The following EYS variants were observed in gnomAD, a reference collection of about 807,000 sequenced individuals.
EYS encodes the protein protein eyes shut homolog.
EYS carries 250 observed loss-of-function variants against 282.1 expected under a neutral mutation model. The ratio of observed to expected loss-of-function variants is 0.89; its 90% CI spans 0.80 to 0.98. The LOEUF is 0.98. Ranked by LOEUF, EYS falls within the 50% of genes least tolerant of loss-of-function variation. The pLI is 0.00. For synonymous variants in EYS, 1,355 were observed against 1,282.9 expected (o/e 1.06, Z -1.20); for missense variants, 4,016 against 3,709.0 (o/e 1.08, Z -2.15).
At chr6:64,321,498 G>T (rs929155544) in intron 29 of EYS, among the ~76,000 whole-genome samples, 18 of 151,774 alleles carry the variant, frequency 1.2e-4, no homozygotes, top group African/African-American at 3.9e-4. Context: ...TGATATTATG[G>T]TGAGTAAATT....
chr6:64,095,034 G>A (rs1772538237), intron 31 of EYS, among the ~76,000 whole-genome samples: 1 of 152,166 alleles, frequency 6.6e-6, no homozygotes, highest in African/African-American at 2.4e-5. Context: ...TCAGGAGCAG[G>A]TTGTTCAGTT....
intron 2 of EYS, among the ~76,000 whole-genome samples, chr6:65,598,943 T>C (rs1263815371): frequency 6.6e-6 from 1 of 152,098 alleles, no homozygotes; most frequent in Non-Finnish European, 1.5e-5. Context: ...CATGCATCAC[T>C]TAGAACAGGT....
chr6:65,342,575 C>T (rs1346235446), intron 10 of EYS, among the ~76,000 whole-genome samples: 3 of 150,318 alleles, frequency 2.0e-5, no homozygotes, highest in African/African-American at 7.3e-5. Context: ...CTGAACAATT[C>T]CTAATTAAGA....
intron 12 of EYS, among the ~76,000 whole-genome samples, chr6:65,179,596 G>C (rs978357092): frequency 7.2e-5 from 11 of 152,130 alleles, no homozygotes; most frequent in African/African-American, 2.7e-4. Flanking sequence ...TCCAGGACCA[G>C]ATGGATTCAC....
rs146288733 is a variant in EYS at position 64,326,480 on chromosome 6, T to G, written c.6079-19398A>C. Among the ~76,000 whole-genome samples, 653 of 152,308 alleles carry G rather than the reference T, an allele frequency of 4.3e-3. 5 individuals carry two copies. Among genetic ancestry groups the G allele is most frequent in the African/African-American group, 0.015 (616 of 41,584 alleles). Reference sequence around the variant, plus strand: ...TCACATAGTTGCTGCTTTAAGATGTTTAAAAGTAGGAAAAGCCTTTTGTTT... The same window carrying G: ...TCACATAGTTGCTGCTTTAAGATGTGTAAAAGTAGGAAAAGCCTTTTGTTT... On this transcript the variant is annotated intron_variant, in intron 29 of 42. Transcript: ENST00000503581.
chr6:64,220,363 A>C (rs1766062566), intron 31 of EYS, among the ~76,000 whole-genome samples: 1 of 152,130 alleles, frequency 6.6e-6, no homozygotes, highest in Non-Finnish European at 1.5e-5. Context: ...TATAGTTTAC[A>C]TATTTTGTGG....
intron 15 of EYS, among the ~76,000 whole-genome samples, chr6:64,915,597 T>C (rs779715524): frequency 2.0e-5 from 3 of 152,310 alleles, no homozygotes; most frequent in Admixed American, 1.3e-4. Context: ...TACTAGATGC[T>C]GTCACAGAAG....
At chr6:63,848,649 GC>G (rs1057019505) in intron 36 of EYS, among the ~76,000 whole-genome samples, 6 of 152,058 alleles carry the variant, frequency 3.9e-5, no homozygotes, top group African/African-American at 1.4e-4. Flanking sequence ...GTGCTATCTG[GC>G]CCAGATACTA....
intron 33 of EYS, among the ~76,000 whole-genome samples, chr6:64,000,842 C>T (rs1489893998): frequency 6.6e-6 from 1 of 152,050 alleles, no homozygotes; most frequent in African/African-American, 2.4e-5. Flanking sequence ...CTGATCAGGT[C>T]ACTGTTAAAA....
chr6:64,656,960 A>G (rs1452367033), intron 22 of EYS, among the ~76,000 whole-genome samples: 1 of 152,150 alleles, frequency 6.6e-6, no homozygotes, highest in African/African-American at 2.4e-5. Context: ...TAAGATTATC[A>G]GTCTCCCATT....
rs150261988 is a variant in EYS at position 64,215,565 on chromosome 6, C to A, written c.6424+15027G>T. Among the ~76,000 whole-genome samples the A allele has an allele frequency of 8.7e-3, 1,318 of 152,048 alleles. 27 individuals are homozygous for A. Among genetic ancestry groups the A allele is most frequent in the African/African-American group, 0.029 (1,206 of 41,500 alleles). ...AATTTGCTATAAATGGAAGTAATTT[C>A]TATATTTTTTCATTTTTTCCCTAAA... On this transcript the variant is annotated intron_variant, in intron 31 of 42. Coordinates refer to ENST00000503581, the MANE Select transcript of EYS (RefSeq NM_001142800.2).
chr6:63,788,324 A>T (rs1770421227), intron 38 of EYS, 75 bp from the exon 39 acceptor site: 2 of 1,210,130 alleles, frequency 1.7e-6, no homozygotes, highest in South Asian at 3.0e-5. Context: ...CTCTTTTGTT[A>T]TTTCCCATTA....
rs111683179 is a variant in EYS, at chr6:65,438,377, C to A, written c.863-33010G>T. Among the ~76,000 whole-genome samples the A allele has an allele frequency of 5.6e-3, 851 of 152,106 alleles. 11 individuals carry two copies. Among genetic ancestry groups the A allele is most frequent in the African/African-American group, 0.019 (803 of 41,502 alleles). On this transcript the variant is annotated intron_variant, in intron 5 of 42. Transcript: ENST00000503581. ...AATCCTTTGGGTATATACCCAGTAA[C>A]GGGATGGCTGGGTCAAATGGTATTT...
At chr6:64,949,202 AT>A (rs1369018461) in intron 14 of EYS, among the ~76,000 whole-genome samples, 1 of 151,916 alleles carries the variant, frequency 6.6e-6, no homozygotes, top group African/African-American at 2.4e-5. Flanking sequence ...ACATAAATGT[AT>A]TGTCTCACAG....
At chr6:65,380,596 G>T (rs1221475846) in intron 8 of EYS, among the ~76,000 whole-genome samples, 1 of 152,064 alleles carries the variant, frequency 6.6e-6, no homozygotes, top group Non-Finnish European at 1.5e-5. Flanking sequence ...AAAAGCAATT[G>T]CAACAAAAGC....
chr6:64,659,382 G>A (rs1254444919), intron 22 of EYS, among the ~76,000 whole-genome samples: 1 of 151,984 alleles, frequency 6.6e-6, no homozygotes, highest in African/African-American at 2.4e-5. Flanking sequence ...AAATAACTAA[G>A]ATCAGAGCAG....
intron 22 of EYS, among the ~76,000 whole-genome samples, chr6:64,695,718 G>T (rs1770555870): frequency 6.6e-6 from 1 of 151,538 alleles, no homozygotes; most frequent in Admixed American, 6.6e-5. Flanking sequence ...ACAAGTAGCT[G>T]GGTTTACAGG....
At chr6:63,878,411 C>G (rs1351270431) in intron 35 of EYS, among the ~76,000 whole-genome samples, 1 of 152,160 alleles carries the variant, frequency 6.6e-6, no homozygotes, top group Non-Finnish European at 1.5e-5. Flanking sequence ...TCCAGTTAGG[C>G]TACTCGGGGG....
intron 12 of EYS, among the ~76,000 whole-genome samples, chr6:65,129,527 C>T (rs986698315): frequency 6.6e-6 from 1 of 151,744 alleles, no homozygotes; most frequent in African/African-American, 2.4e-5. Context: ...CTTCTCAAAA[C>T]AAGACAGACT....
Sources: allele counts gnomAD v4.1 joint callset (sites outside exome capture counted in the v4.1 genomes callset), GRCh38; gene constraint gnomAD v4.1.1; transcripts MANE v1.5; gene names NCBI Gene and HGNC (gene_info 2026-07-23, HGNC 2026-07-21).